The following MGAT4C variants were observed in gnomAD, a reference collection of about 807,000 sequenced individuals.
The protein encoded by MGAT4C is alpha-1,3-mannosyl-glycoprotein 4-beta-N-acetylglucosaminyltransferase C.
In MGAT4C, 19 loss-of-function variants were observed where a neutral mutation model predicts 40.1. The ratio of observed to expected loss-of-function variants is 0.47; its 90% CI spans 0.33 to 0.70. The LOEUF is 0.70. Ranked by LOEUF, MGAT4C falls within the 30% of genes least tolerant of loss-of-function variation. The pLI, the probability that MGAT4C is intolerant of heterozygous loss-of-function variation, is 0.02. For synonymous variants in MGAT4C, 181 were observed against 187.1 expected (o/e 0.97, Z 0.27); for missense variants, 491 against 563.2 (o/e 0.87, Z 1.30).
At chr12:86,474,974 T>C (rs1957811266) in intron 2 of MGAT4C, among the ~76,000 whole-genome samples, 1 of 152,106 alleles carries the variant, frequency 6.6e-6, no homozygotes, top group South Asian at 2.1e-4. Context: ...TAAAAACACA[T>C]TTAAAATAAA....
At chr12:86,180,726 G>A (rs577007090) in intron 1 of MGAT4C, among the ~76,000 whole-genome samples, 2 of 152,150 alleles carry the variant, frequency 1.3e-5, no homozygotes, top group South Asian at 2.1e-4. Context: ...ATGGCTATAT[G>A]TACTCAATAC....
intron 1 of MGAT4C, among the ~76,000 whole-genome samples, chr12:86,837,796 A>T (rs984253857): frequency 1.3e-5 from 2 of 152,162 alleles, no homozygotes; most frequent in African/African-American, 4.8e-5. Context: ...TCTCTCTGAT[A>T]CAGAACATAC....
chr12:86,469,075 T>A (rs772682172), intron 2 of MGAT4C, among the ~76,000 whole-genome samples: 11 of 152,118 alleles, frequency 7.2e-5, no homozygotes, highest in Non-Finnish European at 1.5e-4. Flanking sequence ...TGGGGCTTGT[T>A]CTTTGATGTA....
chr12:86,242,518 A>C (rs548853206), intron 1 of MGAT4C, among the ~76,000 whole-genome samples: 1 of 152,254 alleles, frequency 6.6e-6, no homozygotes, highest in African/African-American at 2.4e-5. Context: ...TTTCACATGT[A>C]ATGACTCCTT....
chr12:86,099,618 T>C (rs1874590112), intron 1 of MGAT4C, among the ~76,000 whole-genome samples: 1 of 151,406 alleles, frequency 6.6e-6, no homozygotes, highest in Non-Finnish European at 1.5e-5. Flanking sequence ...CTAAAGAAGC[T>C]ATTGTCTTGA....
chr12:86,739,447 A>G (rs1374711111), intron 1 of MGAT4C, among the ~76,000 whole-genome samples: 1 of 151,020 alleles, frequency 6.6e-6, no homozygotes, highest in African/African-American at 2.4e-5. Flanking sequence ...TCACTTAGGA[A>G]GAATATGTAT....
At chr12:86,550,470 T>C (rs1446203235) in intron 2 of MGAT4C, among the ~76,000 whole-genome samples, 1 of 152,170 alleles carries the variant, frequency 6.6e-6, no homozygotes, top group Admixed American at 6.5e-5. Context: ...ACCCTTCATC[T>C]ACTGTGACCA....
chr12:86,803,301 C>T (rs1457167532), intron 1 of MGAT4C, among the ~76,000 whole-genome samples: 5 of 151,108 alleles, frequency 3.3e-5, no homozygotes, highest in African/African-American at 1.2e-4. Flanking sequence ...AGACCTAAAA[C>T]CATAAAAACC....
intron 2 of MGAT4C, among the ~76,000 whole-genome samples, chr12:86,714,438 C>A (rs1950609514): frequency 6.6e-6 from 1 of 152,050 alleles, no homozygotes; most frequent in African/African-American, 2.4e-5. Flanking sequence ...TCCTGTAATT[C>A]CCACGTGTTG....
intron 3 of MGAT4C, among the ~76,000 whole-genome samples, chr12:86,342,887 T>C (rs1286578348): frequency 6.6e-6 from 1 of 152,144 alleles, no homozygotes; most frequent in Admixed American, 6.5e-5. Flanking sequence ...TGATTATAAT[T>C]ACCAAAGAAA....
At chr12:86,159,445 T>A (rs1316444504) in intron 1 of MGAT4C, among the ~76,000 whole-genome samples, 2 of 151,966 alleles carry the variant, frequency 1.3e-5, no homozygotes, top group Non-Finnish European at 2.9e-5. Context: ...TTTGAGGATT[T>A]TTGTGTCTAT....
At chr12:86,697,190 T>C (rs888638407) in intron 2 of MGAT4C, among the ~76,000 whole-genome samples, 1 of 152,146 alleles carries the variant, frequency 6.6e-6, no homozygotes, top group Non-Finnish European at 1.5e-5. Context: ...TATAGGTATA[T>C]ATACATAAAA....
intron 2 of MGAT4C, among the ~76,000 whole-genome samples, chr12:86,581,496 A>G (rs76691105): frequency 0.053 from 8,067 of 151,448 alleles, 300 homozygotes; most frequent in Middle Eastern, 0.088. Context: ...CATACAAGAT[A>G]TACTAACAGA....
intron 1 of MGAT4C, among the ~76,000 whole-genome samples, chr12:86,237,883 T>G (rs1951621095): frequency 6.6e-6 from 1 of 151,930 alleles, no homozygotes; most frequent in African/African-American, 2.4e-5. Flanking sequence ...CTACCCAAAT[T>G]TTCTTCGTTC....
intron 4 of MGAT4C, among the ~76,000 whole-genome samples, chr12:86,317,542 C>A (rs1451706226): frequency 6.6e-6 from 1 of 151,818 alleles, no homozygotes; most frequent in Non-Finnish European, 1.5e-5. Flanking sequence ...GTAATGTGTT[C>A]TTTTGAGTAT....
rs933475021 is a variant in MGAT4C, at chr12:86,364,819, C to T, written c.-119-30692G>A. On this transcript the variant is annotated intron_variant, in intron 3 of 7. Coordinates refer to the MGAT4C transcript ENST00000548651. ...GGGGGTGTATGAATAGGGTGTGGGT[C>T]ACAGAGATCATGTGCTTCACAAGGT... Among the ~76,000 whole-genome samples, 27 of 152,108 alleles carry T rather than the reference C, an allele frequency of 1.8e-4. No individual in the cohort carries two copies. The East Asian group carries it at 5.2e-3, about 29-fold the overall frequency.
chr12:85,998,206 G>A (rs906662674), intron 2 of MGAT4C, among the ~76,000 whole-genome samples: 1 of 152,106 alleles, frequency 6.6e-6, no homozygotes, highest in Non-Finnish European at 1.5e-5. Flanking sequence ...AGAGTGGCTG[G>A]GATTCAGGGC....
In MGAT4C at chr12:86,547,611, A is replaced by C. The variant is rs111933458; in HGVS notation, c.-228-112346T>G. 3.3e-3 allele frequency among the ~76,000 whole-genome samples: 499 copies of C among 152,256 alleles called. 2 individuals are homozygous for C. Among genetic ancestry groups the C allele is most frequent in the African/African-American group, 0.012 (486 of 41,570 alleles). On this transcript the variant is annotated intron_variant, in intron 2 of 7. Coordinates refer to the MGAT4C transcript ENST00000548651. ...TCTGTTAGATGTTATTTGCTCAGAAAATTAAATAAATATTTGGTAAATTTT... is the reference window on the plus strand; with the variant it reads ...TCTGTTAGATGTTATTTGCTCAGAACATTAAATAAATATTTGGTAAATTTT...
At chr12:86,136,011 G>C (rs1211622791) in intron 1 of MGAT4C, among the ~76,000 whole-genome samples, 31 of 152,132 alleles carry the variant, frequency 2.0e-4, no homozygotes, top group Admixed American at 2.0e-3. Flanking sequence ...GGTTTCTTCA[G>C]AACAACTCAA....
Sources: gnomAD v4.1 joint callset for allele counts (sites outside exome capture counted in the v4.1 genomes callset) on GRCh38, gnomAD v4.1.1 for gene constraint, MANE v1.5 for transcripts, NCBI Gene and HGNC (gene_info 2026-07-23, HGNC 2026-07-21) for gene names.